ARAP1: variants seen among roughly 807,000 people sequenced by gnomAD.
ARAP1 encodes ArfGAP with RhoGAP domain, ankyrin repeat and PH domain 1, also known as arf-GAP with Rho-GAP domain, ANK repeat and PH domain-containing protein 1.
ARAP1 carries 76 observed loss-of-function variants against 172.2 expected under a neutral mutation model. The ratio of observed to expected loss-of-function variants is 0.44; its 90% CI spans 0.37 to 0.53. The LOEUF (loss-of-function observed/expected upper bound fraction) is 0.53, where lower values mean the gene tolerates loss of function less well. Among genes scored for constraint, ARAP1 ranks in the 20% least tolerant of loss-of-function variants. ARAP1 has a pLI of 0.00. For synonymous variants in ARAP1, 804 were observed against 803.3 expected (o/e 1.00, Z -0.01); for missense variants, 1,686 against 1,977.5 (o/e 0.85, Z 2.80).
intron 4 of ARAP1, among the ~76,000 whole-genome samples, chr11:72,713,846 CAAAAA>C (rs71469440): frequency 1.2e-5 from 1 of 81,480 alleles, no homozygotes; most frequent in Non-Finnish European, 2.7e-5. Context: ...GACTCCATCT[CAAAAA>C]AAAAAAAAAA....
intron 14 of ARAP1, chr11:72,703,834 C>T: frequency 2.8e-6 from 1 of 360,904 alleles, no homozygotes; most frequent in Non-Finnish European, 5.1e-6. Flanking sequence ...CAGGAAATAG[C>T]ATCCCCATCA....
At chr11:72,694,825 A>G (rs771225593) in intron 27 of ARAP1, among the ~76,000 whole-genome samples, 155 bp downstream of exon 27, 8 of 152,092 alleles carry the variant, frequency 5.3e-5, no homozygotes, top group African/African-American at 1.4e-4. Flanking sequence ...CCAGCACCCT[A>G]TCACCACCAT....
intron 30 of ARAP1, among the ~76,000 whole-genome samples, chr11:72,690,001 G>A (rs1312515299): frequency 6.6e-6 from 1 of 152,188 alleles, no homozygotes; most frequent in Admixed American, 6.5e-5. Flanking sequence ...GAAAGACTGA[G>A]ACAGAGGCTA....
rs117520345 is a variant in ARAP1, at chr11:72,704,062, G to A, written c.1992+90C>T. 1.4e-3 allele frequency: 2,179 copies of A among 1,512,168 alleles called. 7 individuals are homozygous for A. Among genetic ancestry groups the A allele is most frequent in the Middle Eastern group, 3.2e-3 (18 of 5,622 alleles). The allele number at this position is 1,512,168 out of a possible 1,614,324, so 93.7% of individuals were successfully genotyped here. On this transcript the variant is annotated intron_variant, in intron 14 of 34. Transcript: ENST00000393609. ...TATGCCAAGACATCTCCCTGAGCTG[G>A]TAGATGAGATGGGTTAAGACAGCAT...
At chr11:72,701,852 C>A in intron 15 of ARAP1, 69 bp from the exon 16 acceptor site, 1 of 1,571,984 alleles carries the variant, frequency 6.4e-7, no homozygotes, top group Non-Finnish European at 8.6e-7. Context: ...CTCACTCCCA[C>A]CTGGCCTGGG....
intron 1 of ARAP1, among the ~76,000 whole-genome samples, chr11:72,746,649 G>A (rs1858374261): frequency 6.6e-6 from 1 of 152,110 alleles, no homozygotes; most frequent in Non-Finnish European, 1.5e-5. Flanking sequence ...GTGGAGAGGA[G>A]TGGAACAGCC....
intron 3 of ARAP1, among the ~76,000 whole-genome samples, chr11:72,716,834 C>A (rs979239626): frequency 5.3e-5 from 8 of 152,214 alleles, no homozygotes; most frequent in Non-Finnish European, 1.2e-4. Context: ...TGCCACTGCC[C>A]TGGCGGCAAG....
chr11:72,734,406 G>A (rs932149972), intron 1 of ARAP1, among the ~76,000 whole-genome samples: 19 of 152,268 alleles, frequency 1.2e-4, no homozygotes, highest in Middle Eastern at 3.4e-3. Context: ...ATAGGCATAA[G>A]CCACTGCACC....
At position 72,693,234 on chromosome 11, in the gene ARAP1, A is replaced by C. The variant is rs1268247360; in HGVS notation, c.3954+91T>G. ...TGCCATCCTGAGAGCCTGTAACGGGAATATTTCCACTTGCAGACCAAGGGG... is the reference window on the plus strand; with the variant it reads ...TGCCATCCTGAGAGCCTGTAACGGGCATATTTCCACTTGCAGACCAAGGGG... On this transcript the variant is annotated intron_variant, in intron 29 of 34. Coordinates refer to ENST00000393609, the MANE Select transcript of ARAP1 (RefSeq NM_001040118.3). The surrounding 1 kb of genome is among the most constrained non-coding windows in gnomAD (Gnocchi z 4.6). 1.3e-6 allele frequency: 2 copies of C among 1,527,132 alleles called. No individual in the cohort carries two copies. The highest frequency in any genetic ancestry group is 2.3e-5 in the East Asian group (1 of 44,158). The allele number at this position is 1,527,132 out of a possible 1,614,324, so 94.6% of individuals were successfully genotyped here. A position where few individuals can be genotyped will look rare whatever the true frequency, so the allele number is the denominator to read the frequency against.
rs1300976761 is a variant in ARAP1 at position 72,710,082 on chromosome 11, G to A, written c.1417-106C>T. The A allele has an allele frequency of 2.9e-6, 3 of 1,042,476 alleles. No individual in the cohort carries two copies. Among genetic ancestry groups the A allele is most frequent in the African/African-American group, 1.6e-5 (1 of 63,678 alleles). 64.6% of individuals were successfully genotyped at this position (1,042,476 alleles called of 1,614,324 possible). A position where few individuals can be genotyped will look rare whatever the true frequency, so the allele number is the denominator to read the frequency against. On this transcript the variant is annotated intron_variant, in intron 10 of 34. Transcript: ENST00000393609. The surrounding 1 kb of genome is among the most constrained non-coding windows in gnomAD (Gnocchi z 4.3). ...TGGTGCAACTCAGGGACTGGGGGGG[G>A]TGCCCAGGAGGGAGACAGCAGGGGA...
At chr11:72,734,947 T>C (rs771590361) in intron 1 of ARAP1, among the ~76,000 whole-genome samples, 1 of 152,162 alleles carries the variant, frequency 6.6e-6, no homozygotes, top group Non-Finnish European at 1.5e-5. Context: ...TAAATTGCAT[T>C]GTGGCTTACA....
At chr11:72,696,243 C>T (rs925217834) in intron 23 of ARAP1, among the ~76,000 whole-genome samples, 2 of 152,150 alleles carry the variant, frequency 1.3e-5, no homozygotes, top group Admixed American at 6.5e-5. Context: ...AATAGAGTTC[C>T]GATCCTTTGA....
intron 5 of ARAP1, 192 bp downstream of exon 5, chr11:72,712,984 C>A: frequency 3.1e-6 from 2 of 650,930 alleles, no homozygotes; most frequent in Non-Finnish European, 5.3e-6. Flanking sequence ...ACCAGAGCCC[C>A]GACCCCTGGC....
Position 72,693,408 on chromosome 11 carries a change from C to T in ARAP1, c.3871G>A (p.Gly1291Ser). ...MKFREDRSLL[G>S]LGLPSGGFHD... ...AAGCCACCTGAGGGCAGGCCCAGGC[C>T]CAGGAGGCTGCGGTCCTCACGGAAC... The change falls in exon 29 of 35, where the codon GGC becomes AGC. Residue 1291 changes from glycine (G) to serine (S), a missense_variant. Physicochemically the swap from Gly to Ser is moderately conservative, Grantham distance 56 (BLOSUM62 0). Transcript: ENST00000393609. The surrounding 1 kb of genome is among the most constrained non-coding windows in gnomAD (Gnocchi z 4.6). 6.2e-7 allele frequency: 1 copy of T among 1,613,888 alleles called. No homozygotes were observed. The highest frequency in any genetic ancestry group is 8.5e-7 in the Non-Finnish European group (1 of 1,179,856).
Position 72,725,294 on chromosome 11 carries a change from ACC to A in ARAP1, c.509+1324_509+1325del, listed in dbSNP as rs1491353387. Among the ~76,000 whole-genome samples the A allele has an allele frequency of 9.2e-6, 1 of 108,522 alleles. No individual in the cohort carries two copies. The highest frequency in any genetic ancestry group is 2.0e-5 in the Non-Finnish European group (1 of 50,366). 71.2% of individuals were successfully genotyped at this position (108,522 alleles called of 152,430 possible). On this transcript the variant is annotated intron_variant, in intron 3 of 34. Transcript: ENST00000393609. This position sits in a 1 kb window ranked among gnomAD's most constrained non-coding sequence, Gnocchi z 4.3. ...CTTCTCTATCCTCTTCTCTCTTCTA[ACC>A]TCTCTCTCTCTCTCTCTCTCTCTTT...
At chr11:72,713,304 C>T (rs1465232154) in intron 4 of ARAP1, 61 bp from the exon 5 acceptor site, 5 of 1,485,626 alleles carry the variant, frequency 3.4e-6, no homozygotes, top group East Asian at 4.5e-5. Flanking sequence ...TCCTGGGGCA[C>T]CACACTGGGC....
intron 3 of ARAP1, among the ~76,000 whole-genome samples, chr11:72,720,812 C>T (rs1256727632): frequency 6.6e-6 from 1 of 152,150 alleles, no homozygotes; most frequent in Admixed American, 6.5e-5. Flanking sequence ...GGGCATGCCT[C>T]CTCCTCCAGG....
In ARAP1 at chr11:72,714,270, G is replaced by T; in HGVS notation, c.561C>A (p.Pro187=). The T allele has an allele frequency of 6.5e-7, 1 of 1,543,244 alleles. No individual in the cohort carries two copies. Among genetic ancestry groups the T allele is most frequent in the Non-Finnish European group, 8.7e-7 (1 of 1,144,678 alleles). The change falls in exon 4 of 35, where the codon CCC becomes CCA. Residue 187 remains proline (P), a synonymous_variant. Transcript: ENST00000393609. ...ESLLPSLSSP[P]QPQSEEPLST... is the part of the protein sequence containing the mutation. Reference sequence around the variant, plus strand: ...ACAGGGGCTCCTCAGACTGTGGCTGGGGAGGGGATGATAATGATGGCAGCA... The same window carrying T: ...ACAGGGGCTCCTCAGACTGTGGCTGTGGAGGGGATGATAATGATGGCAGCA...
At chr11:72,734,527 GAGACCA>G (rs966194749) in intron 1 of ARAP1, among the ~76,000 whole-genome samples, 2 of 152,172 alleles carry the variant, frequency 1.3e-5, no homozygotes, top group African/African-American at 4.8e-5. Context: ...ACAAGAAAAA[GAGACCA>G]CATAAACAGT....
Sources: gnomAD v4.1 joint callset for allele counts (sites outside exome capture counted in the v4.1 genomes callset) on GRCh38, gnomAD v4.1.1 for gene constraint, Gnocchi (gnomAD v3.1) non-coding constraint, MANE v1.5 for transcripts, NCBI Gene and HGNC (gene_info 2026-07-23, HGNC 2026-07-21) for gene names.